Variants in ATP8A2 observed in about 807,000 individuals in gnomAD.
The protein encoded by ATP8A2 is phospholipid-transporting ATPase IB.
ATP8A2 carries 100 observed loss-of-function variants against 165.6 expected under a neutral mutation model. The ratio of observed to expected loss-of-function variants is 0.60; its 90% confidence interval spans 0.51 to 0.71. The LOEUF (loss-of-function observed/expected upper bound fraction) is 0.71, where lower values mean the gene tolerates loss of function less well. Among genes scored for constraint, ATP8A2 ranks in the 30% least tolerant of loss-of-function variants. ATP8A2 has a pLI of 0.00. For synonymous variants in ATP8A2, 543 were observed against 548.8 expected (o/e 0.99, Z 0.15); for missense variants, 1,227 against 1,479.5 (o/e 0.83, Z 2.80).
intron 24 of ATP8A2, among the ~76,000 whole-genome samples, chr13:25,609,425 A>G (rs2040598677): frequency 6.6e-6 from 1 of 150,848 alleles, no homozygotes; most frequent in East Asian, 1.9e-4. Flanking sequence ...GAGTGGCCTC[A>G]TTACGTACAA....
At position 25,815,906 on chromosome 13, in the gene ATP8A2, A is replaced by G. The variant is rs144261107; in HGVS notation, c.2680-12212A>G. On this transcript the variant is annotated intron_variant, in intron 27 of 36. Transcript: ENST00000381655. ...CTACAACATGGATGAATAAAACTTT[A>G]TGTTAAGAAATATAAGCTACACAGA... Among the ~76,000 whole-genome samples the G allele has an allele frequency of 1.2e-4, 19 of 152,364 alleles. No homozygotes were observed. In the East Asian group the frequency reaches 3.5e-3, roughly 28 times the overall value.
rs566423455 is a variant in ATP8A2 at position 25,863,985 on chromosome 13, G to A, written c.3183+1577G>A. On this transcript the variant is annotated intron_variant, in intron 33 of 36. Coordinates refer to ENST00000381655, the MANE Select transcript of ATP8A2 (RefSeq NM_016529.6). ...GCATTTTCCAACAAAGATATTTTGT[G>A]TTTAAATAAATCAGTTCTATTTTAA... 3.0e-4 allele frequency among the ~76,000 whole-genome samples: 46 copies of A among 152,320 alleles called. No homozygotes were observed. In the South Asian group the frequency reaches 8.7e-3, roughly 29 times the overall value.
At chr13:25,457,842 C>A (rs57880116) in intron 1 of ATP8A2, among the ~76,000 whole-genome samples, 1 of 152,062 alleles carries the variant, frequency 6.6e-6, no homozygotes, top group South Asian at 2.1e-4. Flanking sequence ...ACAAGAGAGT[C>A]GGGAAAAGCC....
intron 1 of ATP8A2, among the ~76,000 whole-genome samples, chr13:25,404,128 A>G (rs2033724317): frequency 6.6e-6 from 1 of 152,130 alleles, no homozygotes; most frequent in Non-Finnish European, 1.5e-5. Context: ...TTCAGCAGGG[A>G]AAGTAGAGGA....
intron 1 of ATP8A2, among the ~76,000 whole-genome samples, chr13:25,454,897 C>T (rs1206770818): frequency 6.6e-6 from 1 of 152,150 alleles, no homozygotes; most frequent in African/African-American, 2.4e-5. Flanking sequence ...ACTCCAGCCT[C>T]GCCGACAGAG....
intron 27 of ATP8A2, among the ~76,000 whole-genome samples, chr13:25,821,026 T>A (rs1378221722): frequency 2.0e-5 from 3 of 152,150 alleles, no homozygotes; most frequent in African/African-American, 7.2e-5. Context: ...ATTATTTGAA[T>A]GCAGATTGAA....
intron 2 of ATP8A2, among the ~76,000 whole-genome samples, chr13:25,512,707 G>A (rs1335810277): frequency 4.2e-5 from 6 of 142,868 alleles, no homozygotes; most frequent in South Asian, 2.2e-4. Context: ...CCTCCCTCCC[G>A]GACGGGGCAG....
At chr13:25,403,832 T>C (rs2033715041) in intron 1 of ATP8A2, among the ~76,000 whole-genome samples, 1 of 152,054 alleles carries the variant, frequency 6.6e-6, no homozygotes, top group Non-Finnish European at 1.5e-5. Flanking sequence ...AAGTTGGGAG[T>C]GTCCATGAAA....
rs114689341 is a variant in ATP8A2, at chr13:25,810,799, T to C, written c.2680-17319T>C. Among the ~76,000 whole-genome samples, 1,173 of 152,290 alleles carry C rather than the reference T, an allele frequency of 7.7e-3. 22 individuals are homozygous for C. Among genetic ancestry groups the C allele is most frequent in the African/African-American group, 0.027 (1,113 of 41,564 alleles). On this transcript the variant is annotated intron_variant, in intron 27 of 36. Transcript: ENST00000381655. ...CAGAGGGAGCTGGATGTACACGCAG[T>C]TGCAGTCAGTCACTTGTTTCCTGAG...
chr13:25,592,972 T>A (rs1326632632), intron 24 of ATP8A2, among the ~76,000 whole-genome samples: 1 of 152,222 alleles, frequency 6.6e-6, no homozygotes, highest in Non-Finnish European at 1.5e-5. Flanking sequence ...TTCTATGTAC[T>A]GTTTTTGTTC....
chr13:25,823,070 G>C (rs1951221188), intron 27 of ATP8A2, among the ~76,000 whole-genome samples: 1 of 152,188 alleles, frequency 6.6e-6, no homozygotes, highest in African/African-American at 2.4e-5. Flanking sequence ...CGTACTTGGT[G>C]CCTGCAAGGA....
chr13:25,759,761 A>T (rs184387888), intron 25 of ATP8A2, among the ~76,000 whole-genome samples: 1 of 152,282 alleles, frequency 6.6e-6, no homozygotes, highest in Admixed American at 6.5e-5. Context: ...GAAGAGACAG[A>T]CTATAACCGG....
chr13:25,388,249 C>T (rs1334913921), intron 1 of ATP8A2, among the ~76,000 whole-genome samples: 1 of 152,088 alleles, frequency 6.6e-6, no homozygotes, highest in Non-Finnish European at 1.5e-5. Flanking sequence ...AGAAAGCTGG[C>T]TCCTGGGGGA....
chr13:25,769,599 A>C (rs560875772), intron 26 of ATP8A2, among the ~76,000 whole-genome samples: 2 of 152,322 alleles, frequency 1.3e-5, no homozygotes, highest in East Asian at 3.9e-4. Flanking sequence ...AGCTGTGCTC[A>C]TGACAGCCTT....
intron 1 of ATP8A2, among the ~76,000 whole-genome samples, chr13:25,402,211 G>A (rs985641489): frequency 6.6e-6 from 1 of 152,158 alleles, no homozygotes; most frequent in African/African-American, 2.4e-5. Flanking sequence ...ATTTCATCAT[G>A]CCACTCAGAA....
intron 34 of ATP8A2, among the ~76,000 whole-genome samples, chr13:25,966,966 C>T (rs887249282): frequency 6.6e-6 from 1 of 152,270 alleles, no homozygotes; most frequent in South Asian, 2.1e-4. Context: ...ACCAGCGATG[C>T]TGCTCATCCT....
intron 1 of ATP8A2, among the ~76,000 whole-genome samples, chr13:25,427,937 C>G (rs926786426): frequency 1.3e-5 from 2 of 152,006 alleles, no homozygotes; most frequent in African/African-American, 4.8e-5. Context: ...GTGGCTCATG[C>G]CTGTAATCCC....
intron 1 of ATP8A2, among the ~76,000 whole-genome samples, chr13:25,389,262 A>G (rs1328683830): frequency 6.6e-6 from 1 of 152,190 alleles, no homozygotes; most frequent in Non-Finnish European, 1.5e-5. Flanking sequence ...TTAAAGTAGA[A>G]CATGACTTTG....
At chr13:25,615,359 G>T (rs2040796465) in intron 24 of ATP8A2, among the ~76,000 whole-genome samples, 1 of 152,154 alleles carries the variant, frequency 6.6e-6, no homozygotes, top group Non-Finnish European at 1.5e-5. Flanking sequence ...CAGCTACCAT[G>T]AAGCCCGAAA....
Sources: gnomAD v4.1 joint callset for allele counts (sites outside exome capture counted in the v4.1 genomes callset) on GRCh38, gnomAD v4.1.1 for gene constraint, MANE v1.5 for transcripts, NCBI Gene and HGNC (gene_info 2026-07-23, HGNC 2026-07-21) for gene names.